PAK5: variants seen among roughly 807,000 people sequenced by gnomAD.
PAK5 encodes serine/threonine-protein kinase PAK 5.
In PAK5, 16 loss-of-function variants were observed where a neutral mutation model predicts 65.9. The observed-to-expected ratio is 0.24, with a 90% CI of 0.16 to 0.37. The LOEUF (loss-of-function observed/expected upper bound fraction) is 0.37. Ranked by LOEUF, PAK5 falls within the 10% of genes least tolerant of loss-of-function variation. The probability of loss-of-function intolerance (pLI) is 1.00; values close to 1 mark genes in which losing one functional copy is unlikely to be tolerated. For synonymous variants in PAK5, 371 were observed against 354.9 expected, an observed-to-expected ratio of 1.05 and a Z score of -0.51; for missense variants, 785 against 903.9, an observed-to-expected ratio of 0.87 and a Z score of 1.69.
intron 1 of PAK5, among the ~76,000 whole-genome samples, chr20:9,827,651 G>A (rs1303750200): frequency 1.3e-5 from 2 of 152,098 alleles, no homozygotes. Context: ...TGTGGTAGCT[G>A]TATAGAAAGT....
chr20:9,691,841 T>C (rs1382208493), intron 2 of PAK5, among the ~76,000 whole-genome samples: 1 of 152,206 alleles, frequency 6.6e-6, no homozygotes, highest in Non-Finnish European at 1.5e-5. Flanking sequence ...TTTATAAACA[T>C]TTTTATTTGA....
At chr20:9,699,941 G>A (rs1600258674) in intron 2 of PAK5, among the ~76,000 whole-genome samples, 1 of 152,264 alleles carries the variant, frequency 6.6e-6, no homozygotes, top group Middle Eastern at 3.4e-3. Flanking sequence ...CCCCTGAGCT[G>A]CAAAAGGAGA....
chr20:9,770,685 A>C (rs2048822968), intron 1 of PAK5, among the ~76,000 whole-genome samples: 3 of 152,168 alleles, frequency 2.0e-5, no homozygotes, highest in Admixed American at 2.0e-4. Context: ...GCAGAGTAAA[A>C]TGTGAGCTGA....
At chr20:9,650,969 G>C (rs529926356) in intron 2 of PAK5, among the ~76,000 whole-genome samples, 7 of 152,298 alleles carry the variant, frequency 4.6e-5, no homozygotes, top group Admixed American at 2.0e-4. Flanking sequence ...AAAAAAGCAA[G>C]ATGGGCATTC....
chr20:9,726,479 T>G (rs2048278916), intron 1 of PAK5, among the ~76,000 whole-genome samples: 1 of 152,170 alleles, frequency 6.6e-6, no homozygotes, highest in South Asian at 2.1e-4. Context: ...TCATCTACCT[T>G]GGGTGTTGTG....
intron 2 of PAK5, among the ~76,000 whole-genome samples, chr20:9,678,494 G>A (rs1019218712): frequency 1.3e-5 from 2 of 152,198 alleles, no homozygotes; most frequent in African/African-American, 4.8e-5. Flanking sequence ...GTGAACCCAG[G>A]AGGTGGAGCT....
intron 6 of PAK5, among the ~76,000 whole-genome samples, chr20:9,562,602 G>A (rs1568964626): frequency 6.6e-6 from 1 of 152,214 alleles, no homozygotes; most frequent in South Asian, 2.1e-4. Context: ...ATCTATATAG[G>A]CGACAGGACA....
Position 9,539,662 on chromosome 20 carries a change from C to A in PAK5, c.2005-45G>T. ...CCAATCTGAGGACTAACACAGACAC[C>A]TAACCCAGTCCCCAAAATGTTTTCC... is the stretch of plus-strand genomic sequence containing the variant. On this transcript the variant is annotated intron_variant, in intron 9 of 9. Coordinates refer to ENST00000353224, the MANE Select transcript of PAK5 (RefSeq NM_177990.4). The A allele has an allele frequency of 2.0e-6, 3 of 1,526,212 alleles. No individual in the cohort carries two copies. The South Asian group carries it at 3.4e-5, about 17-fold the overall frequency. 94.5% of individuals were successfully genotyped at this position (1,526,212 alleles called of 1,614,324 possible). A position where few individuals can be genotyped will look rare whatever the true frequency, so the allele number is the denominator to read the frequency against.
intron 2 of PAK5, among the ~76,000 whole-genome samples, chr20:9,672,581 CT>C (rs1318384413): frequency 6.6e-6 from 1 of 151,930 alleles, no homozygotes; most frequent in Non-Finnish European, 1.5e-5. Flanking sequence ...AACTTTGCCC[CT>C]CCTTCACCTT....
chr20:9,610,685 T>C (rs2046542701), intron 3 of PAK5, among the ~76,000 whole-genome samples: 1 of 152,216 alleles, frequency 6.6e-6, no homozygotes, highest in Non-Finnish European at 1.5e-5. Flanking sequence ...CTTTAACTGT[T>C]CTGGCGTGTC....
At chr20:9,632,474 G>A (rs778528431) in intron 3 of PAK5, among the ~76,000 whole-genome samples, 9 of 152,134 alleles carry the variant, frequency 5.9e-5, no homozygotes, top group South Asian at 4.1e-4. Context: ...AGAAGACTGC[G>A]TGGATTACAT....
intron 2 of PAK5, among the ~76,000 whole-genome samples, chr20:9,665,946 GT>G (rs750034323): frequency 3.3e-5 from 5 of 152,114 alleles, no homozygotes; most frequent in Non-Finnish European, 5.9e-5. Flanking sequence ...CCTGGGTTAT[GT>G]TGTGGACTCC....
intron 2 of PAK5, among the ~76,000 whole-genome samples, chr20:9,656,689 A>G (rs944157377): frequency 1.3e-5 from 2 of 152,180 alleles, no homozygotes; most frequent in Admixed American, 6.5e-5. Flanking sequence ...CAGCTTTTCA[A>G]TAAAGTGCAG....
intron 1 of PAK5, among the ~76,000 whole-genome samples, chr20:9,737,369 T>C (rs769085): frequency 0.21 from 31,857 of 152,038 alleles, 3,529 homozygotes; most frequent in East Asian, 0.32. Flanking sequence ...TCATAAAACA[T>C]AGATTTCAGA....
At chr20:9,602,320 AAATAAATAAATAAAT>A (rs968648043) in intron 3 of PAK5, among the ~76,000 whole-genome samples, 17 of 151,226 alleles carry the variant, frequency 1.1e-4, no homozygotes, top group African/African-American at 4.1e-4. Flanking sequence ...ATAAATAAAT[AAATAAATAAATAAAT>A]AAATAAAATA....
In PAK5 at chr20:9,782,924, CTT is replaced by C. The variant is rs113360688; in HGVS notation, c.-162+55836_-162+55837del. On this transcript the variant is annotated intron_variant, in intron 1 of 9. Coordinates refer to ENST00000353224, the MANE Select transcript of PAK5 (RefSeq NM_177990.4). Reference sequence around the variant, plus strand: ...TTTCTTTTCTTTTTTCTCTTTCTTTCTTTTTTTTTTTTCTTTTTTTTTAAGAC... The same window carrying C: ...TTTCTTTTCTTTTTTCTCTTTCTTTCTTTTTTTTTTCTTTTTTTTTAAGAC... Among the ~76,000 whole-genome samples, 979 of 143,454 alleles carry C rather than the reference CTT, an allele frequency of 6.8e-3. 13 individuals are homozygous for C. Among genetic ancestry groups the C allele is most frequent in the African/African-American group, 0.024 (939 of 38,852 alleles). 94.1% of individuals were successfully genotyped at this position (143,454 alleles called of 152,430 possible).
intron 3 of PAK5, among the ~76,000 whole-genome samples, chr20:9,619,254 G>C (rs2046726735): frequency 1.3e-5 from 2 of 151,956 alleles, no homozygotes; most frequent in Non-Finnish European, 2.9e-5. Context: ...TTTTACTTTA[G>C]GTAGACCAGA....
chr20:9,596,689 C>T (rs1357235964), intron 3 of PAK5, among the ~76,000 whole-genome samples: 1 of 146,304 alleles, frequency 6.8e-6, no homozygotes, highest in Non-Finnish European at 1.5e-5. Flanking sequence ...GCTTGAGGAG[C>T]TTTTAAAAAT....
chr20:9,641,485 C>G (rs28832272), intron 3 of PAK5, among the ~76,000 whole-genome samples: 1 of 123,712 alleles, frequency 8.1e-6, no homozygotes, highest in Non-Finnish European at 1.7e-5. Context: ...GACAGAAAGA[C>G]TCTCCACGTC....
Sources: gnomAD v4.1 joint callset for allele counts (sites outside exome capture counted in the v4.1 genomes callset) on GRCh38, gnomAD v4.1.1 for gene constraint, MANE v1.5 for transcripts, NCBI Gene and HGNC (gene_info 2026-07-23, HGNC 2026-07-21) for gene names.